The following SOX5 variants were observed in gnomAD, a reference collection of about 807,000 sequenced individuals.
The protein encoded by SOX5 is SRY-box transcription factor 5.
Under a neutral mutation model 92.0 loss-of-function variants are expected in SOX5, and 9 were observed. The observed-to-expected ratio is 0.10, with a 90% CI of 0.06 to 0.17. The LOEUF is 0.17. SOX5 is among the 10% of genes least tolerant of loss of function. SOX5 has a pLI of 1.00. For missense variants in SOX5, 642 were observed against 944.5 expected (o/e 0.68, Z 4.20); for synonymous variants, 344 against 336.3 (o/e 1.02, Z -0.25).
At chr12:24,498,945 C>T (rs139305983) in intron 1 of SOX5, among the ~76,000 whole-genome samples, 130 of 152,272 alleles carry the variant, frequency 8.5e-4, no homozygotes, top group Middle Eastern at 3.4e-3. Context: ...CCGTTTACCT[C>T]TTCTCCTAGA....
intron 7 of SOX5, among the ~76,000 whole-genome samples, chr12:23,664,925 G>A (rs11829784): frequency 5.9e-5 from 9 of 151,924 alleles, no homozygotes; most frequent in African/African-American, 1.7e-4. Flanking sequence ...TCAGGCAAGC[G>A]CTCCCTAATC....
At chr12:24,308,726 C>T (rs1008891299) in intron 2 of SOX5, among the ~76,000 whole-genome samples, 1 of 152,196 alleles carries the variant, frequency 6.6e-6, no homozygotes, top group African/African-American at 2.4e-5. Context: ...CAAAAAACTT[C>T]CCAGCACACC....
chr12:24,523,356 C>A (rs1950420071), intron 1 of SOX5, among the ~76,000 whole-genome samples: 1 of 152,090 alleles, frequency 6.6e-6, no homozygotes, highest in African/African-American at 2.4e-5. Context: ...ATCAAAACTC[C>A]AATGGCATAT....
intron 1 of SOX5, among the ~76,000 whole-genome samples, chr12:23,901,378 T>C (rs1568795413): frequency 6.6e-6 from 1 of 152,122 alleles, no homozygotes; most frequent in South Asian, 2.1e-4. Flanking sequence ...TACATTTGTA[T>C]TTTTTAAGCC....
chr12:24,307,065 T>G (rs913899366), intron 2 of SOX5, among the ~76,000 whole-genome samples: 3 of 152,016 alleles, frequency 2.0e-5, no homozygotes, highest in African/African-American at 7.2e-5. Context: ...AAACCCCATC[T>G]CTACAAAAAT....
chr12:23,986,254 G>T (rs779935397), intron 4 of SOX5, among the ~76,000 whole-genome samples: 26 of 151,956 alleles, frequency 1.7e-4, no homozygotes, highest in Non-Finnish European at 2.9e-4. Context: ...ATTTTTCCCA[G>T]TAAGATTTAA....
chr12:24,337,673 C>T (rs111591823), intron 2 of SOX5, among the ~76,000 whole-genome samples: 47 of 152,108 alleles, frequency 3.1e-4, no homozygotes, highest in African/African-American at 1.1e-3. Context: ...CTTTTAAGTT[C>T]GGTAGACATG....
chr12:24,106,829 AT>A (rs1946746123), intron 4 of SOX5, among the ~76,000 whole-genome samples: 1 of 147,874 alleles, frequency 6.8e-6, no homozygotes. Context: ...AATAATAATA[AT>A]AATAATAATA....
chr12:24,039,576 A>G (rs1956335547), intron 4 of SOX5, among the ~76,000 whole-genome samples: 1 of 152,208 alleles, frequency 6.6e-6, no homozygotes, highest in South Asian at 2.1e-4. Flanking sequence ...AAGAGGGGAA[A>G]CATATATACC....
At chr12:23,622,128 C>T (rs941772133) in intron 8 of SOX5, among the ~76,000 whole-genome samples, 1 of 151,996 alleles carries the variant, frequency 6.6e-6, no homozygotes, top group Non-Finnish European at 1.5e-5. Context: ...GGACTGCTTC[C>T]CACCATCAAA....
chr12:23,593,365 G>C (rs913776767), intron 9 of SOX5, among the ~76,000 whole-genome samples: 2 of 152,080 alleles, frequency 1.3e-5, no homozygotes, highest in African/African-American at 4.8e-5. Context: ...GAATGACTGG[G>C]TTCTTCAGCT....
Position 24,401,328 on chromosome 12 carries a change from G to C in SOX5, c.-250-32689C>G, listed in dbSNP as rs528000300. Among the ~76,000 whole-genome samples the C allele has an allele frequency of 1.1e-3, 164 of 150,350 alleles. 2 individuals carry two copies. Among genetic ancestry groups the C allele is most frequent in the African/African-American group, 3.5e-3 (145 of 40,934 alleles). On this transcript the variant is annotated intron_variant, in intron 1 of 4. Transcript: ENST00000446891. ...GATCGTGCCACTGCACTCCAGCCTGGGCGACAGAGCAAGACTCCATCTCAG... is the reference window on the plus strand; with the variant it reads ...GATCGTGCCACTGCACTCCAGCCTGCGCGACAGAGCAAGACTCCATCTCAG...
intron 3 of SOX5, among the ~76,000 whole-genome samples, chr12:23,824,969 T>G (rs1365644284): frequency 6.6e-6 from 1 of 152,180 alleles, no homozygotes; most frequent in Non-Finnish European, 1.5e-5. Context: ...CCAGGTTGAC[T>G]TCAGGCTGCT....
intron 3 of SOX5, among the ~76,000 whole-genome samples, chr12:24,235,314 A>G (rs1235568548): frequency 6.6e-6 from 1 of 152,212 alleles, no homozygotes; most frequent in East Asian, 1.9e-4. Context: ...TTTGGTTCAT[A>G]TCTATTCAAT....
intron 1 of SOX5, among the ~76,000 whole-genome samples, chr12:24,461,349 A>G (rs1233765037): frequency 6.8e-6 from 1 of 147,684 alleles, no homozygotes; most frequent in African/African-American, 2.5e-5. Flanking sequence ...GTGCAATATG[A>G]AAGATACCAG....
intron 4 of SOX5, among the ~76,000 whole-genome samples, chr12:24,029,622 C>G: frequency 6.6e-6 from 1 of 151,868 alleles, no homozygotes. Context: ...TTTTGCCTGA[C>G]AAGTGAATAC....
At chr12:23,697,155 T>C (rs540830171) in intron 6 of SOX5, among the ~76,000 whole-genome samples, 1 of 152,324 alleles carries the variant, frequency 6.6e-6, no homozygotes, top group Non-Finnish European at 1.5e-5. Context: ...CAATCAATAA[T>C]TGAAAGAGGA....
intron 1 of SOX5, among the ~76,000 whole-genome samples, chr12:23,925,262 T>C (rs1939627250): frequency 6.6e-6 from 1 of 152,130 alleles, no homozygotes; most frequent in Non-Finnish European, 1.5e-5. Context: ...TTGATAATTC[T>C]GTGTGTGTTA....
chr12:23,617,783 A>AG (rs1437626756), intron 8 of SOX5, among the ~76,000 whole-genome samples: 1 of 147,078 alleles, frequency 6.8e-6, no homozygotes, highest in Non-Finnish European at 1.5e-5. Flanking sequence ...TTAAACAGCT[A>AG]GAAAAAAAAA....
Sources: allele counts gnomAD v4.1 joint callset (sites outside exome capture counted in the v4.1 genomes callset), GRCh38; gene constraint gnomAD v4.1.1; transcripts MANE v1.5; gene names NCBI Gene and HGNC (gene_info 2026-07-23, HGNC 2026-07-21).